ETFA: variants seen among roughly 807,000 people sequenced by gnomAD.
ETFA encodes the protein electron transfer flavoprotein subunit alpha, mitochondrial.
Under a neutral mutation model 46.2 loss-of-function variants are expected in ETFA, and 22 were observed. The observed-to-expected ratio is 0.48, with a 90% CI of 0.34 to 0.68. The LOEUF (loss-of-function observed/expected upper bound fraction) is 0.68. ETFA is among the 30% of genes least tolerant of loss of function. The pLI, the probability that ETFA is intolerant of heterozygous loss-of-function variation, is 0.01. For synonymous variants in ETFA, 131 were observed against 139.9 expected, an observed-to-expected ratio of 0.94 and a Z score of 0.45; for missense variants, 345 against 401.1, an observed-to-expected ratio of 0.86 and a Z score of 1.19.
intron 9 of ETFA, among the ~76,000 whole-genome samples, chr15:76,273,954 A>T (rs901260207): frequency 1.3e-5 from 2 of 152,218 alleles, no homozygotes; most frequent in Admixed American, 6.5e-5. Context: ...CTATAAGACA[A>T]AATACAGAAA....
intron 9 of ETFA, among the ~76,000 whole-genome samples, chr15:76,273,443 C>A (rs1296474256): frequency 6.6e-6 from 1 of 151,990 alleles, no homozygotes; most frequent in African/African-American, 2.4e-5. Flanking sequence ...GTAATCCCAG[C>A]CACTTGGGAG....
rs1189282229 is a variant in ETFA at position 76,292,487 on chromosome 15, T to C, written c.295A>G (p.Thr99Ala). 19 of 1,613,782 alleles carry C rather than the reference T, an allele frequency of 1.2e-5. No homozygotes were observed. Among genetic ancestry groups the C allele is most frequent in the Non-Finnish European group, 1.4e-5 (17 of 1,179,758 alleles). The change falls in exon 4 of 12, where the codon ACT becomes GCT. Residue 99 changes from threonine to alanine, a missense_variant. Thr to Ala is a moderately conservative substitution (Grantham distance 58). Coordinates refer to ENST00000557943, the MANE Select transcript of ETFA (RefSeq NM_000126.4). ...PEELTPLILA[T>A]QKQFNYTHIC... ...TGTGTGTAATTGAACTGCTTCTGAG[T>C]TGCCAAAATCAATGGTGTCAGTTCC...
At chr15:76,297,873 T>G (rs2039841141) in intron 1 of ETFA, among the ~76,000 whole-genome samples, 2 of 152,138 alleles carry the variant, frequency 1.3e-5, no homozygotes, top group South Asian at 4.1e-4. Context: ...ACATTCCATT[T>G]CTCAGATACC....
chr15:76,287,117 A>G (rs2039711537), intron 5 of ETFA, among the ~76,000 whole-genome samples: 1 of 152,214 alleles, frequency 6.6e-6, no homozygotes. Flanking sequence ...ACCCCACTAG[A>G]GACCAGTGTG....
At chr15:76,263,129 A>G (rs187515178) in intron 9 of ETFA, among the ~76,000 whole-genome samples, 1 of 152,296 alleles carries the variant, frequency 6.6e-6, no homozygotes, top group East Asian at 1.9e-4. Flanking sequence ...ACTTCCTTTC[A>G]ACCCCCACAT....
At chr15:76,304,607 C>T (rs996323297) in intron 1 of ETFA, among the ~76,000 whole-genome samples, 1 of 146,416 alleles carries the variant, frequency 6.8e-6, no homozygotes, top group Non-Finnish European at 1.5e-5. Context: ...GAGGCTGCAG[C>T]GAGTCAAGAT....
At chr15:76,266,051 T>C (rs1163687030) in intron 9 of ETFA, among the ~76,000 whole-genome samples, 1 of 152,132 alleles carries the variant, frequency 6.6e-6, no homozygotes, top group Non-Finnish European at 1.5e-5. Flanking sequence ...GAGCCTACTT[T>C]CTCCCCTTGG....
chr15:76,272,793 C>T (rs920915226), intron 9 of ETFA, among the ~76,000 whole-genome samples: 1 of 122,278 alleles, frequency 8.2e-6, no homozygotes, highest in African/African-American at 3.4e-5. Context: ...ATAGCAAGAC[C>T]CTGTCTCTTA....
intron 9 of ETFA, among the ~76,000 whole-genome samples, chr15:76,233,501 T>TGTA (rs2141466097): frequency 6.6e-6 from 1 of 152,072 alleles, no homozygotes; most frequent in African/African-American, 2.4e-5. Context: ...AGCTAATTTT[T>TGTA]GTATTTTTAG....
intron 6 of ETFA, 41 bp downstream of exon 6, chr15:76,286,330 A>C (rs1353083038): frequency 8.6e-7 from 1 of 1,166,070 alleles, no homozygotes; most frequent in Admixed American, 1.8e-5. Flanking sequence ...TGAATTAAAA[A>C]AGTAAGAAAC....
intron 9 of ETFA, among the ~76,000 whole-genome samples, chr15:76,236,422 G>A (rs1176798026): frequency 6.6e-6 from 1 of 152,196 alleles, no homozygotes; most frequent in Admixed American, 6.5e-5. Flanking sequence ...GTGGCTTAGA[G>A]GTTATCATAC....
chr15:76,295,755 GA>G lies in ETFA; in HGVS notation c.40-19del, dbSNP rs755841159. 138 of 1,454,678 alleles carry G rather than the reference GA, an allele frequency of 9.5e-5. No individual in the cohort carries two copies. Among genetic ancestry groups the G allele is most frequent in the East Asian group, 1.7e-4 (7 of 40,688 alleles). 90.1% of individuals were successfully genotyped at this position (1,454,678 alleles called of 1,614,324 possible). A position where few individuals can be genotyped will look rare whatever the true frequency, so the allele number is the denominator to read the frequency against. On this transcript the variant is annotated intron_variant, in intron 1 of 11. Transcript: ENST00000557943. ...AATGAGGCCTAAAAAGAGCAAAAAG[GA>G]AAAAAAAAGGTAAAGAATGTTGTCA... is the stretch of plus-strand genomic sequence containing the variant.
In ETFA at chr15:76,311,338, G is replaced by C. The variant is rs62027051; in HGVS notation, c.39+12C>G. ...GGCCGTCCCTGGGTTCGCCTTCCCAGTCCGGACTCACCGCCCGCCGGAGCT... is the reference window on the plus strand; with the variant it reads ...GGCCGTCCCTGGGTTCGCCTTCCCACTCCGGACTCACCGCCCGCCGGAGCT... On this transcript the variant is annotated intron_variant, in intron 1 of 11. Coordinates refer to ENST00000557943, the MANE Select transcript of ETFA (RefSeq NM_000126.4). 0.12 allele frequency: 193,874 copies of C among 1,555,368 alleles called. 13,022 individuals carry two copies. Among genetic ancestry groups the C allele is most frequent in the African/African-American group, 0.2 (14,870 of 73,582 alleles).
intron 11 of ETFA, among the ~76,000 whole-genome samples, 179 bp from the exon 12 acceptor site, chr15:76,216,776 G>A (rs2038900389): frequency 6.6e-6 from 1 of 151,250 alleles, no homozygotes; most frequent in Admixed American, 6.6e-5. Flanking sequence ...CCCACCCAGG[G>A]CGACTACCCA....
intron 1 of ETFA, among the ~76,000 whole-genome samples, chr15:76,303,985 G>A (rs1039732586): frequency 1.3e-5 from 2 of 152,228 alleles, no homozygotes; most frequent in South Asian, 2.1e-4. Context: ...ATACATGCAT[G>A]TGCATGTTCA....
chr15:76,219,732 C>T (rs1193277991), intron 11 of ETFA, among the ~76,000 whole-genome samples: 1 of 152,166 alleles, frequency 6.6e-6, no homozygotes, highest in Non-Finnish European at 1.5e-5. Flanking sequence ...TGCTTATGTG[C>T]TTAACATCAC....
chr15:76,288,510 A>C (rs1309812844), intron 4 of ETFA, among the ~76,000 whole-genome samples: 1 of 152,068 alleles, frequency 6.6e-6, no homozygotes, highest in Non-Finnish European at 1.5e-5. Context: ...TTTGAGACCA[A>C]TGTGGCCAAC....
At chr15:76,266,412 A>C (rs1442455972) in intron 9 of ETFA, among the ~76,000 whole-genome samples, 1 of 152,228 alleles carries the variant, frequency 6.6e-6, no homozygotes, top group Non-Finnish European at 1.5e-5. Context: ...GTTGGAGAAC[A>C]GTTTAAAAAA....
At chr15:76,259,689 G>T in intron 9 of ETFA, 1 of 1,170,312 alleles carries the variant, frequency 8.5e-7, no homozygotes, top group Non-Finnish European at 1.3e-6. Context: ...TTCCAGGAGA[G>T]TCCAAAGTCA....
Sources: allele counts gnomAD v4.1 joint callset (sites outside exome capture counted in the v4.1 genomes callset), GRCh38; gene constraint gnomAD v4.1.1; transcripts MANE v1.5; gene names NCBI Gene and HGNC (gene_info 2026-07-23, HGNC 2026-07-21).